XPOT: variants seen among roughly 807,000 people sequenced by gnomAD.
XPOT encodes the protein exportin-T.
A neutral mutation model predicts 128.2 loss-of-function variants in XPOT; 34 were observed. That is an observed-to-expected ratio of 0.27 (90% CI 0.20 to 0.35). XPOT has a LOEUF of 0.35. XPOT is among the 10% of genes least tolerant of loss of function. The pLI is 1.00. For synonymous variants in XPOT, 348 were observed against 394.3 expected, an observed-to-expected ratio of 0.88 and a Z score of 1.39; for missense variants, 838 against 1,125.3, an observed-to-expected ratio of 0.74 and a Z score of 3.65.
chr12:64,434,017 AATTTG>A (rs1465500548), intron 19 of XPOT, among the ~76,000 whole-genome samples: 1 of 152,076 alleles, frequency 6.6e-6, no homozygotes, highest in Non-Finnish European at 1.5e-5. Context: ...TTTATTTTTT[AATTTG>A]ATTTGATTTG....
chr12:64,420,201 A>G lies in XPOT; in HGVS notation c.621A>G (p.Glu207=). 6.2e-7 allele frequency: 1 copy of G among 1,611,654 alleles called. No individual in the cohort carries two copies. The highest frequency in any genetic ancestry group is 8.5e-7 in the Non-Finnish European group (1 of 1,179,192). Residue 207 remains glutamate (E), a synonymous_variant, in exon 7 of 25, where the codon GAA becomes GAG. Coordinates refer to ENST00000332707, the MANE Select transcript of XPOT (RefSeq NM_007235.6). ...TNSEVTCQCL[E]VVGAYVSWID... is the part of the protein sequence containing the mutation. ...CTGAAGTGACGTGTCAGTGCCTTGA[A>G]GTAGTTGGGGCTTATGTCTCTTGGA...
chr12:64,423,642 C>T (rs1003425994), intron 11 of XPOT, among the ~76,000 whole-genome samples: 3 of 151,998 alleles, frequency 2.0e-5, no homozygotes, highest in African/African-American at 7.3e-5. Context: ...TTAGTAGAGA[C>T]GGGGTTTCGC....
intron 12 of XPOT, 104 bp from the exon 13 acceptor site, chr12:64,424,934 C>G: frequency 2.1e-6 from 3 of 1,451,274 alleles, no homozygotes; most frequent in Non-Finnish European, 1.9e-6. Context: ...GTTGCTATGA[C>G]TTTTTAATAA....
intron 2 of XPOT, among the ~76,000 whole-genome samples, chr12:64,413,789 T>C (rs2040062262): frequency 6.6e-6 from 1 of 152,184 alleles, no homozygotes; most frequent in Non-Finnish European, 1.5e-5. Context: ...TGCACATAAA[T>C]AACTAAAACA....
chr12:64,437,600 CT>C lies in XPOT; in HGVS notation c.2734-1642del, dbSNP rs141478273. On this transcript the variant is annotated intron_variant, in intron 22 of 24. Transcript: ENST00000332707. ...AAATAAGATGAGACTAGATAAAAGC[CT>C]TGTGTTACATGTGTAAAGTCAGGAA... Among the ~76,000 whole-genome samples the C allele has an allele frequency of 3.9e-3, 600 of 152,258 alleles. 5 individuals carry two copies. The highest frequency in any genetic ancestry group is 0.01 in the Middle Eastern group (3 of 292).
intron 15 of XPOT, among the ~76,000 whole-genome samples, chr12:64,426,298 CAAAA>C (rs144538945): frequency 8.1e-6 from 1 of 123,712 alleles, no homozygotes. Context: ...GACTCAGTCT[CAAAA>C]AAAAAAAAAA....
chr12:64,404,481 T>TGCGGCGGCGGCG lies in XPOT; in HGVS notation c.-391_-380dup, dbSNP rs770410319. 6.4e-6 allele frequency: 1 copy of TGCGGCGGCGGCG among 156,972 alleles called. No homozygotes were observed. Among genetic ancestry groups the TGCGGCGGCGGCG allele is most frequent in the African/African-American group, 2.4e-5 (1 of 40,868 alleles). The allele number at this position is 156,972 out of a possible 1,614,324, so 9.7% of individuals were successfully genotyped here. A position where few individuals can be genotyped will look rare whatever the true frequency, so the allele number is the denominator to read the frequency against. On this transcript the variant is annotated 5_prime_UTR_variant, in exon 1 of 25. Transcript: ENST00000332707. ...GCGCTGACTCAGCGGCGGCGGCGGC[T>TGCGGCGGCGGCG]GCGGCGGCGGCGGCGGCGTTAGCCG...
intron 15 of XPOT, 68 bp from the exon 16 acceptor site, chr12:64,427,983 G>A: frequency 9.6e-7 from 1 of 1,044,132 alleles, no homozygotes; most frequent in Non-Finnish European, 1.5e-6. Context: ...TCTTAAAGGG[G>A]GAATTTGGTA....
At chr12:64,428,737 A>C (rs974808375) in intron 16 of XPOT, among the ~76,000 whole-genome samples, 3 of 152,246 alleles carry the variant, frequency 2.0e-5, no homozygotes, top group African/African-American at 7.2e-5. Context: ...ATTACTTTAC[A>C]TTTTTAAAAG....
At chr12:64,431,513 G>C (rs370687742) in intron 17 of XPOT, 25 bp from the exon 18 acceptor site, 1 of 1,605,572 alleles carries the variant, frequency 6.2e-7, no homozygotes. Flanking sequence ...AGTTGCATCT[G>C]ATTGCCTGAT....
chr12:64,447,482 A>T (rs2040375317), intron 24 of XPOT, among the ~76,000 whole-genome samples: 1 of 147,396 alleles, frequency 6.8e-6, no homozygotes, highest in Non-Finnish European at 1.5e-5. Context: ...TCAATATTTA[A>T]TTTTTTTTTT....
At chr12:64,417,849 T>G (rs766610937) in intron 4 of XPOT, among the ~76,000 whole-genome samples, 197 bp from the exon 5 acceptor site, 58 of 152,352 alleles carry the variant, frequency 3.8e-4, no homozygotes, top group Non-Finnish European at 6.5e-4. Context: ...AAATTAAAGA[T>G]TGATATTGAT....
chr12:64,410,157 G>A (rs1442267524), intron 2 of XPOT, 62 bp downstream of exon 2: 31 of 1,500,318 alleles, frequency 2.1e-5, no homozygotes, highest in Non-Finnish European at 2.8e-5. Flanking sequence ...TAGAGGACTT[G>A]AATAAAAATG....
At chr12:64,422,265 G>C (rs913519010) in intron 9 of XPOT, among the ~76,000 whole-genome samples, 2 of 152,158 alleles carry the variant, frequency 1.3e-5, no homozygotes, top group African/African-American at 4.8e-5. Context: ...TGAATTAATT[G>C]AGTCAAGTCA....
At chr12:64,427,262 G>A (rs566729135) in intron 15 of XPOT, among the ~76,000 whole-genome samples, 1 of 151,696 alleles carries the variant, frequency 6.6e-6, no homozygotes, top group Admixed American at 6.6e-5. Context: ...CAGGATTACA[G>A]GTGTCCATCG....
At chr12:64,424,554 T>A (rs1434509822) in intron 11 of XPOT, 45 bp from the exon 12 acceptor site, 2 of 1,604,658 alleles carry the variant, frequency 1.2e-6, no homozygotes, top group Non-Finnish European at 1.7e-6. Flanking sequence ...GCTGCGCCGA[T>A]CAACCCATAA....
At chr12:64,441,721 A>T (rs1198244563) in intron 23 of XPOT, among the ~76,000 whole-genome samples, 1 of 152,074 alleles carries the variant, frequency 6.6e-6, no homozygotes, top group Non-Finnish European at 1.5e-5. Flanking sequence ...GTCTCGCTTT[A>T]GTGCCCAGGC....
chr12:64,417,019 C>G (rs1363504441), intron 4 of XPOT, among the ~76,000 whole-genome samples: 1 of 152,068 alleles, frequency 6.6e-6, no homozygotes, highest in Non-Finnish European at 1.5e-5. Context: ...TTGAGACTAA[C>G]CAGCCTGGCC....
At chr12:64,440,846 T>G (rs1318971449) in intron 23 of XPOT, among the ~76,000 whole-genome samples, 1 of 152,224 alleles carries the variant, frequency 6.6e-6, no homozygotes, top group Non-Finnish European at 1.5e-5. Flanking sequence ...ATGTTAGAAA[T>G]TAACCCCTTA....
Sources: gnomAD v4.1 joint callset for allele counts (sites outside exome capture counted in the v4.1 genomes callset) on GRCh38, gnomAD v4.1.1 for gene constraint, MANE v1.5 for transcripts, NCBI Gene and HGNC (gene_info 2026-07-23, HGNC 2026-07-21) for gene names.